The following TRPM3 variants were observed in gnomAD, a reference collection of about 807,000 sequenced individuals.
TRPM3 encodes the protein transient receptor potential cation channel subfamily M member 3, also known as long transient receptor potential channel 3.
TRPM3 carries 77 observed loss-of-function variants against 181.2 expected under a neutral mutation model. The observed-to-expected ratio is 0.42, with a 90% confidence interval of 0.35 to 0.51. The LOEUF is 0.51. Among genes scored for constraint, TRPM3 ranks in the 20% least tolerant of loss-of-function variants. TRPM3 has a pLI of 0.01. For missense variants in TRPM3, 1,759 were observed against 2,196.7 expected (o/e 0.80, Z 3.98); for synonymous variants, 745 against 796.4 (o/e 0.94, Z 1.09).
At chr9:71,314,167 C>T (rs1472730) in intron 1 of TRPM3, among the ~76,000 whole-genome samples, 134,999 of 152,068 alleles carry the variant, frequency 0.89, 61,038 homozygotes, top group Non-Finnish European at 0.98. Context: ...CCCTATATTT[C>T]AAACACTTTT....
chr9:70,946,468 A>G (rs1356387442), intron 1 of TRPM3, among the ~76,000 whole-genome samples: 4 of 151,840 alleles, frequency 2.6e-5, no homozygotes, highest in African/African-American at 9.7e-5. Context: ...TAATAACAGC[A>G]GCAATATTCT....
At chr9:71,265,175 CAT>C (rs1403214227) in intron 1 of TRPM3, among the ~76,000 whole-genome samples, 2 of 152,140 alleles carry the variant, frequency 1.3e-5, no homozygotes, top group Non-Finnish European at 2.9e-5. Context: ...TAAAGCCACT[CAT>C]ATTACTTACA....
At chr9:70,644,889 C>T (rs4745017) in intron 9 of TRPM3, among the ~76,000 whole-genome samples, 61,328 of 151,936 alleles carry the variant, frequency 0.4, 13,395 homozygotes, top group African/African-American at 0.57. Context: ...TGTGCAAAAA[C>T]CACAAGTATT....
intron 1 of TRPM3, among the ~76,000 whole-genome samples, chr9:70,871,778 T>C (rs140405363): frequency 6.6e-6 from 1 of 152,160 alleles, no homozygotes; most frequent in African/African-American, 2.4e-5. Flanking sequence ...GTAATTTGAA[T>C]ACTAACAAGA....
chr9:71,370,152 C>T (rs893559973), intron 1 of TRPM3, among the ~76,000 whole-genome samples: 1 of 152,182 alleles, frequency 6.6e-6, no homozygotes, highest in African/African-American at 2.4e-5. Flanking sequence ...CTTTCCCTCT[C>T]CGTGGGCCTG....
intron 1 of TRPM3, among the ~76,000 whole-genome samples, chr9:71,294,157 A>G (rs2086058300): frequency 6.6e-6 from 1 of 152,034 alleles, no homozygotes; most frequent in Non-Finnish European, 1.5e-5. Flanking sequence ...TTTTGTTAAA[A>G]TGTAAAACTT....
At chr9:70,981,488 T>C (rs564901721) in intron 1 of TRPM3, among the ~76,000 whole-genome samples, 1 of 152,264 alleles carries the variant, frequency 6.6e-6, no homozygotes, top group East Asian at 1.9e-4. Flanking sequence ...GCAGAATGAA[T>C]TGGGAAGTGC....
intron 1 of TRPM3, among the ~76,000 whole-genome samples, chr9:71,272,751 A>G (rs1030136799): frequency 4.7e-4 from 72 of 152,240 alleles, no homozygotes; most frequent in African/African-American, 1.7e-3. Context: ...TTTTAGTGTT[A>G]TATTACTTAT....
At chr9:70,622,159 G>A (rs767716062) in intron 14 of TRPM3, among the ~76,000 whole-genome samples, 5 of 152,162 alleles carry the variant, frequency 3.3e-5, no homozygotes, top group Non-Finnish European at 5.9e-5. Flanking sequence ...TGAGGACACA[G>A]TGACAAGGTG....
chr9:70,697,901 G>A (rs368738839), intron 8 of TRPM3, among the ~76,000 whole-genome samples: 3 of 152,048 alleles, frequency 2.0e-5, no homozygotes, highest in Admixed American at 1.3e-4. Context: ...CTAGGTTACC[G>A]CTATAGCCCC....
Position 70,613,779 on chromosome 9 carries a change from T to C in TRPM3, c.2526+2129A>G, listed in dbSNP as rs57085628. Reference sequence around the variant, plus strand: ...AGGGTCTATTCTCTTGTTACTAAACTTTGCTCTTAGTCTAGAGATGCATCT... The same window carrying C: ...AGGGTCTATTCTCTTGTTACTAAACCTTGCTCTTAGTCTAGAGATGCATCT... On this transcript the variant is annotated intron_variant, in intron 18 of 25. Transcript: ENST00000677713. 1.9e-3 allele frequency among the ~76,000 whole-genome samples: 289 copies of C among 152,254 alleles called. 1 individual carries two copies. Among genetic ancestry groups the C allele is most frequent in the African/African-American group, 6.7e-3 (277 of 41,554 alleles).
At chr9:70,974,753 A>G (rs941183883) in intron 1 of TRPM3, among the ~76,000 whole-genome samples, 2 of 152,022 alleles carry the variant, frequency 1.3e-5, no homozygotes, top group African/African-American at 4.8e-5. Flanking sequence ...TAATAAATAA[A>G]ATAACTTATT....
At chr9:70,886,929 C>T (rs796230780) in intron 1 of TRPM3, among the ~76,000 whole-genome samples, 22 of 152,186 alleles carry the variant, frequency 1.4e-4, no homozygotes, top group South Asian at 2.1e-4. Flanking sequence ...CCACCCAAAG[C>T]GCTAGGATTA....
At chr9:71,314,681 T>C (rs2088371262) in intron 1 of TRPM3, among the ~76,000 whole-genome samples, 1 of 151,980 alleles carries the variant, frequency 6.6e-6, no homozygotes, top group African/African-American at 2.4e-5. Context: ...AGGCCACAGG[T>C]TAGAAAAGTG....
intron 1 of TRPM3, among the ~76,000 whole-genome samples, chr9:70,950,388 A>C (rs571817047): frequency 6.6e-6 from 1 of 152,300 alleles, no homozygotes; most frequent in East Asian, 1.9e-4. Flanking sequence ...TGATCCATTA[A>C]ACATAGATAG....
At chr9:70,850,836 G>A (rs1223358858) in intron 3 of TRPM3, among the ~76,000 whole-genome samples, 2 of 152,120 alleles carry the variant, frequency 1.3e-5, no homozygotes, top group African/African-American at 4.8e-5. Context: ...TTAAGAAATT[G>A]CTTTTCAAGT....
At chr9:71,403,633 C>A (rs1249572105) in intron 1 of TRPM3, among the ~76,000 whole-genome samples, 2 of 151,976 alleles carry the variant, frequency 1.3e-5, no homozygotes, top group Non-Finnish European at 2.9e-5. Context: ...GATGAATGAG[C>A]AAACAAAAAA....
intron 5 of TRPM3, among the ~76,000 whole-genome samples, chr9:70,831,496 T>G (rs543866677): frequency 6.6e-6 from 1 of 152,138 alleles, no homozygotes; most frequent in South Asian, 2.1e-4. Flanking sequence ...CAGCCAGGCT[T>G]TCCTGAGAAA....
chr9:70,671,009 T>C (rs7470443), intron 9 of TRPM3, among the ~76,000 whole-genome samples: 132,522 of 152,102 alleles, frequency 0.87, 57,897 homozygotes, highest in Non-Finnish European at 0.91. Flanking sequence ...CAAATATATA[T>C]TGAATTCCGA....
Sources: allele counts gnomAD v4.1 joint callset (sites outside exome capture counted in the v4.1 genomes callset), GRCh38; gene constraint gnomAD v4.1.1; transcripts MANE v1.5; gene names NCBI Gene and HGNC (gene_info 2026-07-23, HGNC 2026-07-21).